MPST: variants seen among roughly 807,000 people sequenced by gnomAD.
MPST encodes 3-mercaptopyruvate sulfurtransferase.
Under a neutral mutation model 28.5 loss-of-function variants are expected in MPST, and 27 were observed. The ratio of observed to expected loss-of-function variants is 0.95; its 90% CI spans 0.70 to 1.31. The LOEUF is 1.31. Ranked by LOEUF, MPST falls within the 50% of genes most tolerant of loss-of-function variation. The pLI is 0.00. For missense variants in MPST, 492 were observed against 471.1 expected (o/e 1.04, Z -0.41); for synonymous variants, 204 against 209.3 (o/e 0.97, Z 0.22).
rs960649351 is a variant in MPST at position 37,024,569 on chromosome 22, C to T, written c.414C>T (p.Arg138=). 6.3e-7 allele frequency: 1 copy of T among 1,584,384 alleles called. No homozygotes were observed. The highest frequency in any genetic ancestry group is 8.5e-7 in the Non-Finnish European group (1 of 1,171,744). The change falls in exon 2 of 3, where the codon CGC becomes CGT. Residue 138 remains arginine (R), a synonymous_variant. Transcript: ENST00000429360. ...YSAPRVWWMF[R]AFGHHAVSLL... is the part of the protein sequence containing the mutation. ...CCCCGCGCGTCTGGTGGATGTTCCG[C>T]GCCTTCGGCCACCACGCCGTGTCAC...
chr22:37,024,527 C>T lies in MPST; in HGVS notation c.372C>T (p.Asp124=). The change falls in exon 2 of 3, where the codon GAC becomes GAT. Residue 124 remains aspartate (D), a synonymous_variant. Coordinates refer to ENST00000429360, the MANE Select transcript of MPST (RefSeq NM_021126.8). ...ACGTCGTGATCTACGACGCCAGCGACCAGGGCCTCTACTCCGCCCCGCGCG... is the reference window on the plus strand; with the variant it reads ...ACGTCGTGATCTACGACGCCAGCGATCAGGGCCTCTACTCCGCCCCGCGCG... The part of the protein sequence containing the change: ...ATHVVIYDAS[D]QGLYSAPRVW... 1 of 1,568,452 alleles carries T rather than the reference C, an allele frequency of 6.4e-7. No individual in the cohort carries two copies. Among genetic ancestry groups the T allele is most frequent in the Non-Finnish European group, 8.6e-7 (1 of 1,162,300 alleles).
intron 2 of MPST, chr22:37,027,188 G>A (rs943841352): frequency 6.5e-6 from 1 of 152,734 alleles, no homozygotes; most frequent in Non-Finnish European, 1.5e-5. Flanking sequence ...CCCAACCTCA[G>A]GTAATCTGCC....
chr22:37,025,307 T>C (rs1036616311), intron 2 of MPST: 1 of 505,352 alleles, frequency 2.0e-6, no homozygotes, highest in Non-Finnish European at 3.1e-6. Flanking sequence ...CTGTGGAATG[T>C]TGGGGGGCAG....
chr22:37,023,234 C>T (rs10427747), intron 1 of MPST: 21,447 of 152,190 alleles, frequency 0.14, 2,939 homozygotes, highest in African/African-American at 0.36. Flanking sequence ...AGCCTGGCAC[C>T]GCCGGGTCAG....
At chr22:37,023,355 T>C in intron 1 of MPST, 1 of 152,442 alleles carries the variant, frequency 6.6e-6, no homozygotes. Flanking sequence ...CTCCGCCTCC[T>C]GGGTTCAAGC....
At position 37,024,452 on chromosome 22, in the gene MPST, C is replaced by G; in HGVS notation, c.297C>G (p.Ala99=). 1 of 1,549,550 alleles carries G rather than the reference C, an allele frequency of 6.5e-7. No homozygotes were observed. Among genetic ancestry groups the G allele is most frequent in the Non-Finnish European group, 8.7e-7 (1 of 1,146,826 alleles). ...CCTACGACCACATGCTGCCCGGGGC[C>G]GAGCATTTCGCGGAGTACGCAGGCC... ...TSPYDHMLPG[A]EHFAEYAGRL... is the part of the protein sequence containing the mutation. The change falls in exon 2 of 3, where the codon GCC becomes GCG. Residue 99 remains alanine, a synonymous_variant. Transcript: ENST00000429360.
In MPST at chr22:37,029,396, TA is replaced by T; in HGVS notation, c.837del (p.Ala281ProfsTer48). 1 of 1,613,956 alleles carries T rather than the reference TA, an allele frequency of 6.2e-7. No individual in the cohort carries two copies. Among genetic ancestry groups the T allele is most frequent in the Non-Finnish European group, 8.5e-7 (1 of 1,180,048 alleles). On this transcript the variant is annotated frameshift_variant, in exon 3 of 3. Transcript: ENST00000429360. LOFTEE classifies it high-confidence loss of function. ...GSGVTACHVA[L>X]GAYLCGKPDV... The stretch of plus-strand genomic sequence containing the variant: ...GGCGTCACAGCCTGCCACGTGGCAC[TA>T]GGGGCCTACCTCTGCGGCAAGCCAG...
rs748582513 is a variant in MPST at position 37,024,590 on chromosome 22, G to C, written c.435G>C (p.Val145=). The C allele has an allele frequency of 6.3e-7, 1 of 1,594,848 alleles. No homozygotes were observed. Among genetic ancestry groups the C allele is most frequent in the South Asian group, 1.1e-5 (1 of 90,222 alleles). The change falls in exon 2 of 3, where the codon GTG becomes GTC. Residue 145 remains valine, a synonymous_variant. Transcript: ENST00000429360. ...WMFRAFGHHA[V]SLLDGGLRHW... ...TCCGCGCCTTCGGCCACCACGCCGT[G>C]TCACTGCTTGATGGCGGCCTCCGCC...
chr22:37,023,988 T>C, intron 1 of MPST: 1 of 1,429,918 alleles, frequency 7.0e-7, no homozygotes, highest in Non-Finnish European at 9.2e-7. Context: ...TCGGAGCTTG[T>C]GTTTATATGA....
In MPST at chr22:37,029,745, C is replaced by G. The variant is rs1923779845; in HGVS notation, c.*231C>G. On this transcript the variant is annotated 3_prime_UTR_variant, in exon 3 of 3. Coordinates refer to ENST00000429360, the MANE Select transcript of MPST (RefSeq NM_021126.8). ...GGAGGCCACAACTCCGAGCTGCCCA[C>G]CTGGTGCTGAGCTGGGGCCCCGCCT... is the stretch of plus-strand genomic sequence containing the variant. 1.7e-6 allele frequency: 1 copy of G among 589,692 alleles called. No individual in the cohort carries two copies. Among genetic ancestry groups the G allele is most frequent in the Non-Finnish European group, 3.0e-6 (1 of 333,410 alleles). The allele number at this position is 589,692 out of a possible 1,614,324, so 36.5% of individuals were successfully genotyped here. A position where few individuals can be genotyped will look rare whatever the true frequency, so the allele number is the denominator to read the frequency against.
At chr22:37,026,218 A>G (rs1923514038) in intron 2 of MPST, 1 of 152,226 alleles carries the variant, frequency 6.6e-6, no homozygotes, top group African/African-American at 2.4e-5. Flanking sequence ...TGCCACATTT[A>G]CATGGGCTTT....
In MPST at chr22:37,029,560, A is replaced by G; in HGVS notation, c.*46A>G. 1.6e-5 allele frequency: 24 copies of G among 1,526,328 alleles called. No homozygotes were observed. Among genetic ancestry groups the G allele is most frequent in the Non-Finnish European group, 2.1e-5 (24 of 1,127,186 alleles). 94.5% of individuals were successfully genotyped at this position (1,526,328 alleles called of 1,614,324 possible). On this transcript the variant is annotated 3_prime_UTR_variant, in exon 3 of 3. Coordinates refer to ENST00000429360, the MANE Select transcript of MPST (RefSeq NM_021126.8). ...AGCTCAGGTGATGCCGGCCACCAGC[A>G]ATGCCTGGCCTGGTAGCTCCGCTTC...
intron 1 of MPST, among the ~76,000 whole-genome samples, chr22:37,022,582 G>A (rs928159363): frequency 5.3e-5 from 8 of 152,192 alleles, no homozygotes; most frequent in Non-Finnish European, 1.0e-4. Context: ...AGCCTGAGGG[G>A]TCAAATTCTG....
At chr22:37,026,107 G>GAGAGC (rs1017782561) in intron 2 of MPST, 1 of 152,210 alleles carries the variant, frequency 6.6e-6, no homozygotes, top group African/African-American at 2.4e-5. Context: ...TCAGCCTAAT[G>GAGAGC]AGAGCACCAC....
chr22:37,024,399 A>G lies in MPST; in HGVS notation c.244A>G (p.Ile82Val). ...CATCCCGGGCGCCGCTTTCTTCGAC[A>G]TCGACCAGTGCAGCGACCGCACCTC... The part of the protein sequence containing the change: ...RHIPGAAFFD[I>V]DQCSDRTSPY... Residue 82 changes from isoleucine (I) to valine (V), a missense_variant, in exon 2 of 3, where the codon ATC becomes GTC. Transcript: ENST00000429360. The G allele has an allele frequency of 1.3e-6, 2 of 1,546,358 alleles. No individual in the cohort carries two copies. The highest frequency in any genetic ancestry group is 1.7e-4 in the Middle Eastern group (1 of 5,966).
chr22:37,027,314 GT>G (rs1482540467), intron 2 of MPST: 1 of 152,242 alleles, frequency 6.6e-6, no homozygotes, highest in African/African-American at 2.4e-5. Context: ...AAATGGGAAT[GT>G]TAGTAACCCC....
At chr22:37,028,138 C>A (rs950858385) in intron 2 of MPST, 1 of 152,182 alleles carries the variant, frequency 6.6e-6, no homozygotes, top group Non-Finnish European at 1.5e-5. Flanking sequence ...AGGTGGCTTA[C>A]TCCTATATTC....
In MPST at chr22:37,024,316, C is replaced by A. The variant is rs1923311467; in HGVS notation, c.161C>A (p.Ala54Asp). 5.9e-6 allele frequency: 9 copies of A among 1,533,452 alleles called. No individual in the cohort carries two copies. The highest frequency in any genetic ancestry group is 7.9e-6 in the Non-Finnish European group (9 of 1,143,100). 95.0% of individuals were successfully genotyped at this position (1,533,452 alleles called of 1,614,324 possible). ...GGGCAGCCTCTGCAGCTGCTGGACGCCTCCTGGTACCTGCCGAAGCTGGGG... is the reference window on the plus strand; with the variant it reads ...GGGCAGCCTCTGCAGCTGCTGGACGACTCCTGGTACCTGCCGAAGCTGGGG... ...RAGQPLQLLDASWYLPKLGRD... is the reference protein window; with the variant it reads ...RAGQPLQLLDDSWYLPKLGRD... The change falls in exon 2 of 3, where the codon GCC becomes GAC. Residue 54 changes from alanine to aspartate, a missense_variant. By Grantham distance (126) the Ala-to-Asp change is moderately radical. Coordinates refer to ENST00000429360, the MANE Select transcript of MPST (RefSeq NM_021126.8).
intron 2 of MPST, 132 bp downstream of exon 2, chr22:37,024,942 T>G (rs1251105587): frequency 6.5e-7 from 1 of 1,527,432 alleles, no homozygotes; most frequent in South Asian, 1.2e-5. Context: ...TTTCTTTCCT[T>G]TCCTTCCCTT....
Sources: allele counts gnomAD v4.1 joint callset (sites outside exome capture counted in the v4.1 genomes callset), GRCh38; gene constraint gnomAD v4.1.1; transcripts MANE v1.5; gene names NCBI Gene and HGNC (gene_info 2026-07-23, HGNC 2026-07-21).